GRID2: variants seen among roughly 807,000 people sequenced by gnomAD.
GRID2 encodes the protein glutamate receptor ionotropic, delta-2.
A neutral mutation model predicts 114.8 loss-of-function variants in GRID2; 33 were observed. The ratio of observed to expected loss-of-function variants is 0.29; its 90% confidence interval spans 0.22 to 0.38. The LOEUF (loss-of-function observed/expected upper bound fraction) is 0.38, where lower values mean the gene tolerates loss of function less well. Ranked by LOEUF, GRID2 falls within the 10% of genes least tolerant of loss-of-function variation. The pLI is 1.00. For missense variants in GRID2, 1,184 were observed against 1,257.7 expected (o/e 0.94, Z 0.89); for synonymous variants, 505 against 449.9 (o/e 1.12, Z -1.55).
intron 13 of GRID2, among the ~76,000 whole-genome samples, chr4:93,573,912 T>C (rs903601217): frequency 6.6e-6 from 1 of 152,170 alleles, no homozygotes; most frequent in African/African-American, 2.4e-5. Flanking sequence ...AAACTTAGAT[T>C]CCTGAGACTT....
chr4:93,550,975 A>C (rs993489381), intron 13 of GRID2, among the ~76,000 whole-genome samples: 1 of 152,156 alleles, frequency 6.6e-6, no homozygotes, highest in African/African-American at 2.4e-5. Flanking sequence ...CACTTACTGG[A>C]TTTGAATGCA....
intron 10 of GRID2, among the ~76,000 whole-genome samples, chr4:93,451,073 A>G (rs913901358): frequency 3.3e-5 from 5 of 152,026 alleles, no homozygotes; most frequent in African/African-American, 1.2e-4. Flanking sequence ...TAAGTTTAGT[A>G]GGGGCTCCAT....
At chr4:93,129,252 C>A (rs1310368912) in intron 4 of GRID2, among the ~76,000 whole-genome samples, 2 of 152,058 alleles carry the variant, frequency 1.3e-5, no homozygotes, top group African/African-American at 4.8e-5. Context: ...CTTGGCCCAC[C>A]TTTCTGAGAC....
intron 14 of GRID2, among the ~76,000 whole-genome samples, chr4:93,683,758 A>G (rs946863017): frequency 1.3e-5 from 2 of 151,910 alleles, no homozygotes; most frequent in Non-Finnish European, 2.9e-5. Context: ...CATTTATTTT[A>G]TTTAAAAGTA....
At chr4:92,319,544 G>C (rs1186169802) in intron 1 of GRID2, among the ~76,000 whole-genome samples, 2 of 152,180 alleles carry the variant, frequency 1.3e-5, no homozygotes, top group Non-Finnish European at 2.9e-5. Flanking sequence ...AGATGCCTAG[G>C]GAAGCTAATA....
intron 13 of GRID2, among the ~76,000 whole-genome samples, chr4:93,621,179 A>C (rs2149682828): frequency 6.6e-6 from 1 of 152,268 alleles, no homozygotes; most frequent in African/African-American, 2.4e-5. Flanking sequence ...TGGGAACAAA[A>C]CCTAGCTCCT....
At chr4:93,689,935 G>A (rs1273230882) in intron 14 of GRID2, among the ~76,000 whole-genome samples, 4 of 151,924 alleles carry the variant, frequency 2.6e-5, no homozygotes, top group Admixed American at 2.6e-4. Context: ...AAGTCAGAGA[G>A]ACAAAAACAA....
At chr4:92,790,780 T>C (rs1331787821) in intron 2 of GRID2, among the ~76,000 whole-genome samples, 1 of 151,596 alleles carries the variant, frequency 6.6e-6, no homozygotes, top group African/African-American at 2.4e-5. Context: ...AAATCCTATG[T>C]GGCCAGTAAA....
chr4:92,595,050 G>A (rs1728882532), intron 2 of GRID2, among the ~76,000 whole-genome samples: 2 of 151,962 alleles, frequency 1.3e-5, no homozygotes, highest in Non-Finnish European at 2.9e-5. Flanking sequence ...AGGAAGTGAA[G>A]CATCATTCTT....
At chr4:92,975,567 T>C (rs911129663) in intron 2 of GRID2, among the ~76,000 whole-genome samples, 1 of 152,296 alleles carries the variant, frequency 6.6e-6, no homozygotes, top group East Asian at 1.9e-4. Flanking sequence ...AAACTAGTGG[T>C]GATTCAACCT....
At chr4:92,339,751 C>G (rs1430200821) in intron 1 of GRID2, among the ~76,000 whole-genome samples, 1 of 152,124 alleles carries the variant, frequency 6.6e-6, no homozygotes, top group Non-Finnish European at 1.5e-5. Flanking sequence ...CCTACTGAAT[C>G]TAGACTGCAC....
intron 8 of GRID2, among the ~76,000 whole-genome samples, chr4:93,294,752 G>A (rs1015977059): frequency 1.7e-4 from 26 of 152,148 alleles, no homozygotes; most frequent in African/African-American, 5.5e-4. Flanking sequence ...TACAGATGGA[G>A]TTTTGCCATG....
At position 92,354,034 on chromosome 4, in the gene GRID2, A is replaced by G. The variant is rs1158363319; in HGVS notation, c.88+49290A>G. Among the ~76,000 whole-genome samples, 4 of 152,144 alleles carry G rather than the reference A, an allele frequency of 2.6e-5. No individual in the cohort carries two copies. The South Asian group carries it at 6.2e-4, about 24-fold the overall frequency. ...TCCAATGTGAGTTCCGATTTAGGCAAAAAGAGAGACAAATGCCATGTGCTG... is the reference window on the plus strand; with the variant it reads ...TCCAATGTGAGTTCCGATTTAGGCAGAAAGAGAGACAAATGCCATGTGCTG... On this transcript the variant is annotated intron_variant, in intron 1 of 15. Transcript: ENST00000282020.
chr4:92,723,675 A>T (rs570181767), intron 2 of GRID2, among the ~76,000 whole-genome samples: 37 of 152,278 alleles, frequency 2.4e-4, no homozygotes, highest in Non-Finnish European at 4.3e-4. Context: ...ACAGTCTATT[A>T]TGATAAAATT....
intron 13 of GRID2, among the ~76,000 whole-genome samples, chr4:93,549,309 G>C (rs144574498): frequency 2.9e-3 from 435 of 152,228 alleles, no homozygotes; most frequent in Non-Finnish European, 4.7e-3. Context: ...AATACTCTTT[G>C]ATAAAATTAG....
chr4:93,695,140 C>G (rs1257557941), intron 14 of GRID2, among the ~76,000 whole-genome samples: 3 of 149,724 alleles, frequency 2.0e-5, no homozygotes, highest in Non-Finnish European at 4.4e-5. Context: ...CACTGCACTC[C>G]AGCCTGGGCA....
intron 2 of GRID2, among the ~76,000 whole-genome samples, chr4:92,984,983 A>G (rs1478362726): frequency 2.6e-5 from 4 of 152,034 alleles, no homozygotes; most frequent in Non-Finnish European, 5.9e-5. Flanking sequence ...ACCTTGACTA[A>G]CTACGTTTAA....
chr4:93,109,357 CAT>C (rs1321868205), intron 3 of GRID2, among the ~76,000 whole-genome samples: 2 of 152,088 alleles, frequency 1.3e-5, no homozygotes, highest in Admixed American at 6.5e-5. Context: ...GATAAGTAAA[CAT>C]ATAATATTTA....
chr4:93,202,937 AAT>A (rs906724797), intron 4 of GRID2, among the ~76,000 whole-genome samples: 9 of 151,880 alleles, frequency 5.9e-5, no homozygotes, highest in Admixed American at 1.3e-4. Flanking sequence ...TGTTTCACTG[AAT>A]ATATATATAT....
Sources: allele counts gnomAD v4.1 joint callset (sites outside exome capture counted in the v4.1 genomes callset), GRCh38; gene constraint gnomAD v4.1.1; transcripts MANE v1.5; gene names NCBI Gene and HGNC (gene_info 2026-07-23, HGNC 2026-07-21).